The following PKHD1 variants were observed in gnomAD, a reference collection of about 807,000 sequenced individuals.
PKHD1 encodes PKHD1 ciliary IPT domain containing fibrocystin/polyductin.
A neutral mutation model predicts 412.0 loss-of-function variants in PKHD1; 291 were observed. That is an observed-to-expected ratio of 0.71 (90% CI 0.64 to 0.78). The LOEUF is 0.78. Ranked by LOEUF, PKHD1 falls within the 30% of genes least tolerant of loss-of-function variation. PKHD1 has a pLI of 0.00. For missense variants in PKHD1, 4,825 were observed against 4,950.7 expected (o/e 0.97, Z 0.76); for synonymous variants, 1,777 against 1,821.5 (o/e 0.98, Z 0.62).
rs538093258 is a variant in PKHD1 at position 51,921,445 on chromosome 6, C to T, written c.6122-8869G>A. 6.1e-4 allele frequency among the ~76,000 whole-genome samples: 93 copies of T among 152,268 alleles called. No homozygotes were observed. In the South Asian group the frequency reaches 0.015, roughly 24 times the overall value. ...TCAAGGAGTATCTTTGTGGCATTCT[C>T]TGTATTTCCTGAATTTGAATGTTGG... On this transcript the variant is annotated intron_variant, in intron 37 of 66. Coordinates refer to ENST00000371117, the MANE Select transcript of PKHD1 (RefSeq NM_138694.4).
chr6:51,989,897 G>GAAGGAAGAAAGGA (rs1296315116), intron 35 of PKHD1, among the ~76,000 whole-genome samples: 1 of 9,440 alleles, frequency 1.1e-4, no homozygotes, highest in Admixed American at 1.7e-3. Context: ...AGGAAGGAAG[G>GAAGGAAGAAAGGA]AGGGAGGAAG....
At chr6:51,808,721 T>G (rs1252126047) in intron 52 of PKHD1, among the ~76,000 whole-genome samples, 1 of 152,118 alleles carries the variant, frequency 6.6e-6, no homozygotes, top group African/African-American at 2.4e-5. Context: ...CCTTTCTCAT[T>G]TTATCTTCAT....
chr6:51,869,746 C>A (rs1280404548), intron 47 of PKHD1, among the ~76,000 whole-genome samples: 1 of 151,556 alleles, frequency 6.6e-6, no homozygotes, highest in East Asian at 1.9e-4. Context: ...AACTCAGATG[C>A]CACCCAAATA....
intron 55 of PKHD1, among the ~76,000 whole-genome samples, chr6:51,758,320 T>C (rs1056546368): frequency 3.3e-5 from 5 of 152,116 alleles, no homozygotes; most frequent in South Asian, 2.1e-4. Context: ...TATGTCCATA[T>C]AGCAACAGTG....
At chr6:51,821,751 G>C (rs1002361062) in intron 52 of PKHD1, among the ~76,000 whole-genome samples, 1 of 152,198 alleles carries the variant, frequency 6.6e-6, no homozygotes, top group African/African-American at 2.4e-5. Flanking sequence ...GTCTCGCTCT[G>C]TCACCCAGGC....
chr6:51,921,292 A>G (rs1784659872), intron 37 of PKHD1, among the ~76,000 whole-genome samples: 1 of 152,024 alleles, frequency 6.6e-6, no homozygotes, highest in South Asian at 2.1e-4. Context: ...TGCTATAAAG[A>G]TCTGTTGTTA....
In PKHD1 at chr6:52,071,090, A is replaced by C; in HGVS notation, c.603-20T>G. 6.5e-7 allele frequency: 1 copy of C among 1,543,646 alleles called. No individual in the cohort carries two copies. Among genetic ancestry groups the C allele is most frequent in the Non-Finnish European group, 9.0e-7 (1 of 1,115,856 alleles). On this transcript the variant is annotated intron_variant, in intron 8 of 66. Transcript: ENST00000371117. ...GGATAACTAAGGAAAAGACAAACTGAGGTAAGAATGACCAGACAACTCACT... is the reference window on the plus strand; with the variant it reads ...GGATAACTAAGGAAAAGACAAACTGCGGTAAGAATGACCAGACAACTCACT...
rs2150972817 is a variant in PKHD1, at chr6:51,746,579, C to G, written c.9998+142G>C. On this transcript the variant is annotated intron_variant, in intron 59 of 66. Transcript: ENST00000371117. Reference sequence around the variant, plus strand: ...AATATAGGAGGGGTAAAGAATTGGTCATTAAGTTAATGTACCTTACCATTC... The same window carrying G: ...AATATAGGAGGGGTAAAGAATTGGTGATTAAGTTAATGTACCTTACCATTC... 9.3e-6 allele frequency: 6 copies of G among 644,916 alleles called. No individual in the cohort carries two copies. The East Asian group carries it at 1.6e-4, about 18-fold the overall frequency. The allele number at this position is 644,916 out of a possible 1,614,324, so 39.9% of individuals were successfully genotyped here. A position where few individuals can be genotyped will look rare whatever the true frequency, so the allele number is the denominator to read the frequency against.
intron 36 of PKHD1, among the ~76,000 whole-genome samples, chr6:51,943,538 T>C (rs1788926553): frequency 6.6e-6 from 1 of 151,652 alleles, no homozygotes; most frequent in Non-Finnish European, 1.5e-5. Flanking sequence ...TGATATCTCC[T>C]GGTGCTATCC....
intron 35 of PKHD1, among the ~76,000 whole-genome samples, chr6:51,964,514 T>C (rs549995129): frequency 2.0e-5 from 3 of 152,282 alleles, no homozygotes; most frequent in Admixed American, 2.0e-4. Context: ...CAATGTATAC[T>C]GGTTTATAAT....
chr6:52,024,133 T>C (rs1801796833), intron 32 of PKHD1, among the ~76,000 whole-genome samples: 1 of 152,178 alleles, frequency 6.6e-6, no homozygotes, highest in African/African-American at 2.4e-5. Flanking sequence ...ATTTGGCTTA[T>C]TATTGTTGAA....
chr6:51,994,378 G>A (rs1277339270), intron 35 of PKHD1, among the ~76,000 whole-genome samples: 1 of 151,982 alleles, frequency 6.6e-6, no homozygotes, highest in Non-Finnish European at 1.5e-5. Flanking sequence ...CTCATGATCC[G>A]CCCACCTCGG....
chr6:51,807,489 G>A (rs34084744), intron 52 of PKHD1, among the ~76,000 whole-genome samples: 41,811 of 113,670 alleles, frequency 0.37, 9,273 homozygotes, highest in East Asian at 0.72. Flanking sequence ...ATGTATATGT[G>A]TGTGTGTGTG....
In PKHD1 at chr6:51,940,407, G is replaced by A. The variant is rs575695557; in HGVS notation, c.5909-6085C>T. The stretch of plus-strand genomic sequence containing the variant: ...CACAAGAACTCCAAATGCCTGAACC[G>A]CAGCTGTCAGGGGTTCCTCCAGAAC... On this transcript the variant is annotated intron_variant, in intron 36 of 66. Coordinates refer to ENST00000371117, the MANE Select transcript of PKHD1 (RefSeq NM_138694.4). Among the ~76,000 whole-genome samples, 89 of 151,566 alleles carry A rather than the reference G, an allele frequency of 5.9e-4. 3 individuals carry two copies. Among genetic ancestry groups the A allele is most frequent in the Non-Finnish European group, 7.8e-4 (53 of 67,752 alleles).
intron 37 of PKHD1, among the ~76,000 whole-genome samples, chr6:51,923,931 G>T (rs774650299): frequency 3.3e-5 from 5 of 152,164 alleles, no homozygotes; most frequent in Admixed American, 1.3e-4. Context: ...ATGAGTTTTA[G>T]TTACATCCCC....
chr6:51,710,915 T>C (rs1354304685), intron 60 of PKHD1, among the ~76,000 whole-genome samples: 1 of 152,178 alleles, frequency 6.6e-6, no homozygotes, highest in Non-Finnish European at 1.5e-5. Context: ...ACAACAATAC[T>C]ATCATAACCA....
chr6:51,984,866 C>T (rs1203235332), intron 35 of PKHD1, among the ~76,000 whole-genome samples: 1 of 152,088 alleles, frequency 6.6e-6, no homozygotes, highest in African/African-American at 2.4e-5. Flanking sequence ...CGTTGGGTTA[C>T]CCCTACAATA....
intron 27 of PKHD1, among the ~76,000 whole-genome samples, chr6:52,040,950 T>C (rs1012769847): frequency 6.6e-6 from 1 of 152,198 alleles, no homozygotes; most frequent in Admixed American, 6.5e-5. Context: ...CTAAATAAAT[T>C]GTCATTATGA....
At chr6:51,982,881 AAAATAAAAT>A (rs1795714748) in intron 35 of PKHD1, among the ~76,000 whole-genome samples, 3 of 96,646 alleles carry the variant, frequency 3.1e-5, no homozygotes, top group African/African-American at 5.7e-5. Context: ...AAAATAAAAT[AAAATAAAAT>A]AAAAAAAAGA....
Sources: allele counts gnomAD v4.1 joint callset (sites outside exome capture counted in the v4.1 genomes callset), GRCh38; gene constraint gnomAD v4.1.1; transcripts MANE v1.5; gene names NCBI Gene and HGNC (gene_info 2026-07-23, HGNC 2026-07-21).